The following FNTB variants were observed in gnomAD, a reference collection of about 807,000 sequenced individuals.
FNTB encodes farnesyltransferase, CAAX box, subunit beta, also known as protein farnesyltransferase subunit beta.
A neutral mutation model predicts 59.4 loss-of-function variants in FNTB; 27 were observed. That is an observed-to-expected ratio of 0.45 (90% confidence interval 0.34 to 0.63). The LOEUF (loss-of-function observed/expected upper bound fraction) is 0.63. Ranked by LOEUF, FNTB falls within the 20% of genes least tolerant of loss-of-function variation. FNTB has a pLI of 0.02. For synonymous variants in FNTB, 230 were observed against 220.7 expected (o/e 1.04, Z -0.37); for missense variants, 449 against 559.6 (o/e 0.80, Z 1.99).
intron 11 of FNTB, among the ~76,000 whole-genome samples, chr14:65,058,216 TTCAG>T (rs2139690234): frequency 6.6e-6 from 1 of 152,098 alleles, no homozygotes; most frequent in African/African-American, 2.4e-5. Flanking sequence ...TTTAATGTCT[TTCAG>T]TGTTTTTTTT....
chr14:65,019,145 C>T (rs1294332877), intron 4 of FNTB, among the ~76,000 whole-genome samples: 2 of 152,020 alleles, frequency 1.3e-5, no homozygotes, highest in African/African-American at 4.8e-5. Context: ...TGCACTCCAG[C>T]CTGGGCAACA....
At position 65,006,435 on chromosome 14, in the gene FNTB, C is replaced by T. The variant is rs574461884; in HGVS notation, c.209+2122C>T. 322 of 1,298,350 alleles carry T rather than the reference C, an allele frequency of 2.5e-4. 1 individual carries two copies. The highest frequency in any genetic ancestry group is 3.2e-4 in the Non-Finnish European group (304 of 957,220). 80.4% of individuals were successfully genotyped at this position (1,298,350 alleles called of 1,614,324 possible). On this transcript the variant is annotated intron_variant, in intron 2 of 11. Coordinates refer to ENST00000246166, the MANE Select transcript of FNTB (RefSeq NM_002028.4). The stretch of plus-strand genomic sequence containing the variant: ...GATACAGCTAGAGATTAGCAAATGA[C>T]GCCATTTATTTAAATAGCTTGGGAG...
intron 1 of FNTB, 148 bp from the exon 2 acceptor site, chr14:65,004,101 C>T: frequency 1.4e-6 from 1 of 714,698 alleles, no homozygotes; most frequent in Non-Finnish European, 2.2e-6. Context: ...AGCCTGTCAT[C>T]CTGCAGAACC....
intron 9 of FNTB, among the ~76,000 whole-genome samples, chr14:65,046,186 G>A (rs2062472713): frequency 6.6e-6 from 1 of 152,088 alleles, no homozygotes; most frequent in Admixed American, 6.6e-5. Flanking sequence ...ATGTTGGTCA[G>A]GCTGGTCTCG....
In FNTB at chr14:65,054,686, T is replaced by C; in HGVS notation, c.1179T>C (p.Ala393=). Residue 393 remains alanine (A), a synonymous_variant, in exon 11 of 12, where the codon GCT becomes GCC. Coordinates refer to ENST00000246166, the MANE Select transcript of FNTB (RefSeq NM_002028.4). The surrounding 1 kb of genome is among the most constrained non-coding windows in gnomAD (Gnocchi z 4.4). ...HDVVLGVPEN[A]LQPTHPVYNI... is the part of the protein sequence containing the mutation. ...TGGTCCTGGGTGTGCCCGAAAACGC[T>C]CTGGTAAGACGGGTGCAGGGCTTCA... 3.7e-6 allele frequency: 6 copies of C among 1,607,992 alleles called. No homozygotes were observed. Among genetic ancestry groups the C allele is most frequent in the Non-Finnish European group, 4.2e-6 (5 of 1,177,216 alleles).
chr14:65,027,331 A>G lies in FNTB; in HGVS notation c.375-122A>G. ...GGTTATATTCAACAAGTGGGAGGAG[A>G]GGTTCCCCTCAACTTTTGAGGGAGT... On this transcript the variant is annotated intron_variant, in intron 4 of 11. Transcript: ENST00000246166. This position sits in a 1 kb window ranked among gnomAD's most constrained non-coding sequence, Gnocchi z 5.7. The G allele has an allele frequency of 6.9e-7, 1 of 1,458,556 alleles. No individual in the cohort carries two copies. The highest frequency in any genetic ancestry group is 9.3e-7 in the Non-Finnish European group (1 of 1,076,212). The allele number at this position is 1,458,556 out of a possible 1,614,324, so 90.4% of individuals were successfully genotyped here. A position where few individuals can be genotyped will look rare whatever the true frequency, so the allele number is the denominator to read the frequency against.
At chr14:64,995,366 GTTGT>G (rs1888353715) in intron 1 of FNTB, among the ~76,000 whole-genome samples, 1 of 152,068 alleles carries the variant, frequency 6.6e-6, no homozygotes, top group African/African-American at 2.4e-5. Flanking sequence ...TAGTAATGTA[GTTGT>G]TTATTATCAT....
rs749243788 is a variant in FNTB, at chr14:65,043,828, C to CAAAAAAAAA, written c.823-459_823-451dup. On this transcript the variant is annotated intron_variant, in intron 8 of 11. Coordinates refer to ENST00000246166, the MANE Select transcript of FNTB (RefSeq NM_002028.4). ...TGGGCGACAGAGCGAGACTCCGTCT[C>CAAAAAAAAA]AAAAAAAAAAAAAAAAAAAAAAAAA... 6.5e-4 allele frequency among the ~76,000 whole-genome samples: 42 copies of CAAAAAAAAA among 64,238 alleles called. 1 individual carries two copies. Among genetic ancestry groups the CAAAAAAAAA allele is most frequent in the African/African-American group, 1.9e-3 (33 of 17,464 alleles). 42.1% of individuals were successfully genotyped at this position (64,238 alleles called of 152,430 possible).
In FNTB at chr14:65,005,427, T is replaced by A. The variant is rs571751042; in HGVS notation, c.209+1114T>A. On this transcript the variant is annotated intron_variant, in intron 2 of 11. Coordinates refer to ENST00000246166, the MANE Select transcript of FNTB (RefSeq NM_002028.4). Reference sequence around the variant, plus strand: ...TGTGGTCACCATTTTATCTTAATGATGGAACACTTTCTCTTCCTTTCTTTT... The same window carrying A: ...TGTGGTCACCATTTTATCTTAATGAAGGAACACTTTCTCTTCCTTTCTTTT... Among the ~76,000 whole-genome samples the A allele has an allele frequency of 3.9e-5, 6 of 152,274 alleles. No individual in the cohort carries two copies. In the South Asian group the frequency reaches 1.2e-3, roughly 32 times the overall value.
chr14:65,013,767 C>G (rs745838349), intron 3 of FNTB, among the ~76,000 whole-genome samples: 1 of 152,156 alleles, frequency 6.6e-6, no homozygotes, highest in African/African-American at 2.4e-5. Flanking sequence ...AGGCTGGTCT[C>G]GAGCTCCTGA....
In FNTB at chr14:64,994,502, C is replaced by T. The variant is rs928044305; in HGVS notation, c.144+7405C>T. Among the ~76,000 whole-genome samples, 2 of 152,148 alleles carry T rather than the reference C, an allele frequency of 1.3e-5. No homozygotes were observed. Among genetic ancestry groups the T allele is most frequent in the Admixed American group, 1.3e-4 (2 of 15,278 alleles). ...CTAGGCTATATGGTATAGCTTGTTGCTCCTAGGCTACAGGCTACAAACCTA... is the reference window on the plus strand; with the variant it reads ...CTAGGCTATATGGTATAGCTTGTTGTTCCTAGGCTACAGGCTACAAACCTA... On this transcript the variant is annotated intron_variant, in intron 1 of 11. Coordinates refer to ENST00000246166, the MANE Select transcript of FNTB (RefSeq NM_002028.4). The surrounding 1 kb of genome is among the most constrained non-coding windows in gnomAD (Gnocchi z 4.2).
chr14:65,004,772 C>T (rs554536495), intron 2 of FNTB, among the ~76,000 whole-genome samples: 22 of 152,202 alleles, frequency 1.4e-4, no homozygotes, highest in African/African-American at 5.3e-4. Context: ...AAGTGATTCT[C>T]CTGCCTCAGC....
At chr14:65,042,344 A>T (rs973764585) in intron 8 of FNTB, among the ~76,000 whole-genome samples, 1 of 152,192 alleles carries the variant, frequency 6.6e-6, no homozygotes, top group East Asian at 1.9e-4. Flanking sequence ...GTTTTCTTTC[A>T]ACTAGACAGT....
intron 2 of FNTB, among the ~76,000 whole-genome samples, chr14:65,004,877 T>C (rs941131058): frequency 2.0e-5 from 3 of 152,058 alleles, no homozygotes; most frequent in African/African-American, 4.8e-5. Flanking sequence ...TGGCCAGTCT[T>C]GTCTTAAACT....
rs190924185 is a variant in FNTB, at chr14:65,022,232, G to A, written c.375-5221G>A. ...TTGCATTTACATCCCCTCCTAAGCC[G>A]TTCTGCCCATGGATGACTGTTCCTA... On this transcript the variant is annotated intron_variant, in intron 4 of 11. Coordinates refer to ENST00000246166, the MANE Select transcript of FNTB (RefSeq NM_002028.4). 3.8e-4 allele frequency: 132 copies of A among 351,870 alleles called. No homozygotes were observed. The East Asian group carries it at 6.7e-3, about 18-fold the overall frequency. 21.8% of individuals were successfully genotyped at this position (351,870 alleles called of 1,614,324 possible).
At chr14:65,016,784 T>C (rs1340352127) in intron 4 of FNTB, among the ~76,000 whole-genome samples, 1 of 152,174 alleles carries the variant, frequency 6.6e-6, no homozygotes, top group Non-Finnish European at 1.5e-5. Flanking sequence ...GTAGGATGCT[T>C]TCTGAGGGAG....
chr14:65,056,076 C>T (rs939599381), intron 11 of FNTB, among the ~76,000 whole-genome samples: 2 of 152,146 alleles, frequency 1.3e-5, no homozygotes, highest in African/African-American at 4.8e-5. Flanking sequence ...TTGCTACATA[C>T]ATATGTATCT....
At chr14:65,052,169 A>G (rs1010632041) in intron 9 of FNTB, among the ~76,000 whole-genome samples, 2 of 152,164 alleles carry the variant, frequency 1.3e-5, no homozygotes. Flanking sequence ...GTTACCTTAT[A>G]TGTCCACTTA....
chr14:65,061,634 TCTGAGTATTACGGCATCCAGAGCCACTG>T lies in FNTB; in HGVS notation c.*327_*354del, dbSNP rs2139703308. 1 of 262,112 alleles carries T rather than the reference TCTGAGTATTACGGCATCCAGAGCCACTG, an allele frequency of 3.8e-6. No individual in the cohort carries two copies. The highest frequency in any genetic ancestry group is 5.5e-5 in the South Asian group (1 of 18,026). 16.2% of individuals were successfully genotyped at this position (262,112 alleles called of 1,614,324 possible). On this transcript the variant is annotated 3_prime_UTR_variant, in exon 12 of 12. Coordinates refer to ENST00000246166, the MANE Select transcript of FNTB (RefSeq NM_002028.4). ...GACGATCACACAGAGATGAATGGCA[TCTGAGTATTACGGCATCCAGAGCCACTG>T]CTGACTCCCACTTGCACGCCACCAT...
Sources: gnomAD v4.1 joint callset for allele counts (sites outside exome capture counted in the v4.1 genomes callset) on GRCh38, gnomAD v4.1.1 for gene constraint, Gnocchi (gnomAD v3.1) non-coding constraint, MANE v1.5 for transcripts, NCBI Gene and HGNC (gene_info 2026-07-23, HGNC 2026-07-21) for gene names.